Variants in SGCD observed in about 807,000 individuals in gnomAD.
SGCD encodes delta-sarcoglycan.
SGCD carries 18 observed loss-of-function variants against 36.6 expected under a neutral mutation model. The ratio of observed to expected loss-of-function variants is 0.49; its 90% CI spans 0.34 to 0.73. The LOEUF (loss-of-function observed/expected upper bound fraction) is 0.73, where lower values mean the gene tolerates loss of function less well. Among genes scored for constraint, SGCD ranks in the 30% least tolerant of loss-of-function variants. The pLI is 0.01. For missense variants in SGCD, 387 were observed against 346.7 expected (o/e 1.12, Z -0.92); for synonymous variants, 133 against 130.6 (o/e 1.02, Z -0.12).
rs913589711 is a variant in SGCD at position 155,928,531 on chromosome 5, G to A, written c.-282+58107G>A. On this transcript the variant is annotated intron_variant, in intron 1 of 9. Coordinates refer to the SGCD transcript ENST00000517913. Reference sequence around the variant, plus strand: ...AAAAATATAAAAATTAGCTGGGTTCGGTGGTGCACACCTGTAATCCCAGCT... The same window carrying A: ...AAAAATATAAAAATTAGCTGGGTTCAGTGGTGCACACCTGTAATCCCAGCT... Among the ~76,000 whole-genome samples the A allele has an allele frequency of 3.3e-5, 5 of 151,746 alleles. No homozygotes were observed. The East Asian group carries it at 5.8e-4, about 18-fold the overall frequency.
rs369289515 is a variant in SGCD at position 156,277,995 on chromosome 5, G to A, written c.-43-51539G>A. ...GCACTGAATGGAAATATGTGTTAAG[G>A]GAAAATAATAGGTTCATATAAAAGA... is the stretch of plus-strand genomic sequence containing the variant. On this transcript the variant is annotated intron_variant, in intron 3 of 9. Transcript: ENST00000517913. Among the ~76,000 whole-genome samples, 347 of 152,212 alleles carry A rather than the reference G, an allele frequency of 2.3e-3. 3 individuals are homozygous for A. The highest frequency in any genetic ancestry group is 8.0e-3 in the African/African-American group (333 of 41,522).
At chr5:156,523,125 G>T (rs1047171258) in intron 4 of SGCD, among the ~76,000 whole-genome samples, 14 of 151,988 alleles carry the variant, frequency 9.2e-5, no homozygotes, top group Non-Finnish European at 1.5e-4. Flanking sequence ...TTACTGATTG[G>T]GGCACTAAGG....
the SGCD span, among the ~76,000 whole-genome samples, chr5:155,830,924 T>C: frequency 1.3e-5 from 2 of 152,224 alleles, no homozygotes; most frequent in South Asian, 4.1e-4. Flanking sequence ...AAACAATTAT[T>C]GTTTATTTGA....
the SGCD span, among the ~76,000 whole-genome samples, chr5:155,811,949 AT>A: frequency 0.048 from 7,311 of 152,268 alleles, 234 homozygotes; most frequent in Middle Eastern, 0.14. Flanking sequence ...AGAGATTAGA[AT>A]TTACAATATA....
intron 3 of SGCD, among the ~76,000 whole-genome samples, chr5:156,135,436 C>T (rs1029172037): frequency 6.6e-6 from 1 of 152,182 alleles, no homozygotes; most frequent in African/African-American, 2.4e-5. Flanking sequence ...ACCCCTCTTC[C>T]CTGTAGCCTT....
intron 7 of SGCD, among the ~76,000 whole-genome samples, chr5:156,717,260 T>C (rs1179580012): frequency 6.6e-6 from 1 of 152,176 alleles, no homozygotes; most frequent in Non-Finnish European, 1.5e-5. Flanking sequence ...CAGCCTTTAG[T>C]GTCACTCCAT....
intron 3 of SGCD, among the ~76,000 whole-genome samples, chr5:156,457,929 G>A (rs1215275562): frequency 6.6e-6 from 1 of 152,104 alleles, no homozygotes; most frequent in African/African-American, 2.4e-5. Context: ...GTGACTTTGG[G>A]CGGTTTAGGA....
chr5:156,391,123 A>T (rs1561665236), intron 3 of SGCD, among the ~76,000 whole-genome samples: 1 of 152,204 alleles, frequency 6.6e-6, no homozygotes, highest in Non-Finnish European at 1.5e-5. Context: ...GAAACTTTGT[A>T]TTTTAAATCT....
the SGCD span, among the ~76,000 whole-genome samples, chr5:155,769,826 T>A: frequency 6.6e-6 from 1 of 152,166 alleles, no homozygotes; most frequent in African/African-American, 2.4e-5. Context: ...GTAATCCTTC[T>A]AAAACACAGA....
chr5:156,055,480 G>A (rs1016075605), intron 1 of SGCD, among the ~76,000 whole-genome samples: 2 of 146,024 alleles, frequency 1.4e-5, no homozygotes, highest in African/African-American at 2.5e-5. Flanking sequence ...TTATGTTAAA[G>A]GTAAATCTCT....
chr5:155,929,327 C>A (rs7449043), intron 1 of SGCD, among the ~76,000 whole-genome samples: 2 of 152,142 alleles, frequency 1.3e-5, no homozygotes, highest in African/African-American at 4.8e-5. Context: ...GCAGGAATTC[C>A]TTATCTCAGT....
chr5:156,229,267 T>C (rs1410503173), intron 3 of SGCD, among the ~76,000 whole-genome samples: 1 of 101,380 alleles, frequency 9.9e-6, no homozygotes, highest in Admixed American at 1.1e-4. Context: ...CATACATATA[T>C]ATATACATAC....
chr5:156,267,632 A>T (rs549632376), intron 3 of SGCD, among the ~76,000 whole-genome samples: 122 of 152,268 alleles, frequency 8.0e-4, no homozygotes, highest in African/African-American at 2.7e-3. Flanking sequence ...TTCCAGTCCC[A>T]TCAAGCCAGC....
intron 3 of SGCD, among the ~76,000 whole-genome samples, chr5:156,452,615 T>C (rs966265555): frequency 6.6e-6 from 1 of 152,192 alleles, no homozygotes; most frequent in African/African-American, 2.4e-5. Flanking sequence ...AATAGATGCA[T>C]GCCAAATGAA....
At chr5:156,427,027 C>T (rs920778057) in intron 3 of SGCD, among the ~76,000 whole-genome samples, 11 of 151,994 alleles carry the variant, frequency 7.2e-5, no homozygotes, top group African/African-American at 2.7e-4. Context: ...GCTATGTGGG[C>T]TCCTCTGTGT....
chr5:156,624,813 C>T (rs773870607), intron 6 of SGCD, among the ~76,000 whole-genome samples: 2 of 151,942 alleles, frequency 1.3e-5, no homozygotes, highest in East Asian at 1.9e-4. Context: ...ATGATGCAAG[C>T]GAGAAAGGCC....
chr5:156,649,075 G>A (rs535178625), intron 7 of SGCD, among the ~76,000 whole-genome samples: 2 of 152,170 alleles, frequency 1.3e-5, no homozygotes, highest in Non-Finnish European at 2.9e-5. Context: ...ATTCTCAAAA[G>A]AAGACATTTA....
At position 155,877,209 on chromosome 5, in the gene SGCD, A is replaced by G. The variant is rs546118457; in HGVS notation, c.-282+6785A>G. Among the ~76,000 whole-genome samples, 12 of 152,186 alleles carry G rather than the reference A, an allele frequency of 7.9e-5. No individual in the cohort carries two copies. The South Asian group carries it at 2.5e-3, about 32-fold the overall frequency. ...AGTCCAACTGTGTCTTTAATTAGAA[A>G]TGTTTCCAAATCATACCGAAATGGC... On this transcript the variant is annotated intron_variant, in intron 1 of 9. Coordinates refer to the SGCD transcript ENST00000517913.
chr5:155,858,581 CTTTT>C, the SGCD span, among the ~76,000 whole-genome samples: 2 of 152,108 alleles, frequency 1.3e-5, no homozygotes, highest in African/African-American at 4.8e-5. Flanking sequence ...AGCAAATCAA[CTTTT>C]TTTCACTGTC....
Sources: gnomAD v4.1 joint callset for allele counts (sites outside exome capture counted in the v4.1 genomes callset) on GRCh38, gnomAD v4.1.1 for gene constraint, MANE v1.5 for transcripts, NCBI Gene and HGNC (gene_info 2026-07-23, HGNC 2026-07-21) for gene names.